The following FAR2 variants were observed in gnomAD, a reference collection of about 807,000 sequenced individuals.
FAR2 encodes the protein epididymis secretory protein Li 81.
In FAR2, 19 loss-of-function variants were observed where a neutral mutation model predicts 56.0. That is an observed-to-expected ratio of 0.34 (90% CI 0.24 to 0.50). FAR2 has a LOEUF of 0.50. Among genes scored for constraint, FAR2 ranks in the 20% least tolerant of loss-of-function variants. The pLI is 0.98. For missense variants in FAR2, 508 were observed against 642.2 expected (o/e 0.79, Z 2.26); for synonymous variants, 219 against 218.8 (o/e 1.00, Z -0.01).
chr12:29,237,064 A>G (rs750051437), intron 1 of FAR2, among the ~76,000 whole-genome samples: 1 of 152,218 alleles, frequency 6.6e-6, no homozygotes, highest in Admixed American at 6.5e-5. Context: ...GCTTATAAAC[A>G]GTATCAACTT....
chr12:29,192,915 T>G (rs1950114372), intron 1 of FAR2, among the ~76,000 whole-genome samples: 1 of 152,196 alleles, frequency 6.6e-6, no homozygotes, highest in South Asian at 2.1e-4. Context: ...AATTTTTGTA[T>G]TTATATACAA....
At position 29,270,497 on chromosome 12, in the gene FAR2, G is replaced by C; in HGVS notation, c.48G>C (p.Thr16=). The change falls in exon 2 of 12, where the codon ACG becomes ACC. Residue 16 remains threonine, a synonymous_variant. Transcript: ENST00000536681. The stretch of plus-strand genomic sequence containing the variant: ...ATGGCGGCAAGTCCATTCTCATCAC[G>C]GGGGCCACAGGCTTTCTGGGCAAAG... ...AFYGGKSILI[T]GATGFLGKVL... is the part of the protein sequence containing the mutation. 1.9e-6 allele frequency: 3 copies of C among 1,610,420 alleles called. No individual in the cohort carries two copies. The highest frequency in any genetic ancestry group is 2.5e-6 in the Non-Finnish European group (3 of 1,177,468).
At chr12:29,262,207 G>GTT (rs35890746) in intron 1 of FAR2, among the ~76,000 whole-genome samples, 37 of 150,904 alleles carry the variant, frequency 2.5e-4, no homozygotes, top group Middle Eastern at 3.4e-3. Context: ...CTTTTTGTGT[G>GTT]TTTTTTTTTG....
At chr12:29,296,907 T>C in intron 3 of FAR2, 114 bp from the exon 4 acceptor site, 1 of 897,514 alleles carries the variant, frequency 1.1e-6, no homozygotes, top group South Asian at 1.8e-5. Flanking sequence ...TCCTGGTGTT[T>C]TGGTGCGGCC....
intron 1 of FAR2, among the ~76,000 whole-genome samples, chr12:29,224,643 G>A (rs561145954): frequency 6.6e-5 from 10 of 152,208 alleles, no homozygotes; most frequent in African/African-American, 2.2e-4. Flanking sequence ...GGGTATGGGC[G>A]AACTGGAACA....
At chr12:29,273,033 T>A (rs2136710737) in intron 2 of FAR2, among the ~76,000 whole-genome samples, 1 of 152,328 alleles carries the variant, frequency 6.6e-6, no homozygotes, top group East Asian at 1.9e-4. Flanking sequence ...CTGGGACCTC[T>A]GACCTCGAGG....
intron 1 of FAR2, among the ~76,000 whole-genome samples, chr12:29,239,137 A>G (rs1200312505): frequency 6.6e-6 from 1 of 152,210 alleles, no homozygotes; most frequent in Admixed American, 6.5e-5. Context: ...AGTATGGTCC[A>G]TCAGCTTTGC....
intron 10 of FAR2, among the ~76,000 whole-genome samples, chr12:29,326,435 C>G (rs1185899191): frequency 6.6e-6 from 1 of 152,042 alleles, no homozygotes; most frequent in Non-Finnish European, 1.5e-5. Context: ...CAAAGCCTGG[C>G]AGAGACACAA....
intron 1 of FAR2, among the ~76,000 whole-genome samples, chr12:29,154,573 T>A (rs999926306): frequency 4.6e-5 from 7 of 152,126 alleles, no homozygotes; most frequent in African/African-American, 1.7e-4. Context: ...TAGCTGGGAC[T>A]ATAGGCGCCC....
chr12:29,303,686 C>G (rs1949212471), intron 4 of FAR2, among the ~76,000 whole-genome samples: 1 of 152,154 alleles, frequency 6.6e-6, no homozygotes, highest in Admixed American at 6.5e-5. Flanking sequence ...TGCTATAGAA[C>G]ACATTGTTAA....
intron 2 of FAR2, among the ~76,000 whole-genome samples, chr12:29,289,593 G>T (rs146371460): frequency 1.5e-3 from 230 of 152,218 alleles, no homozygotes; most frequent in African/African-American, 5.5e-3. Context: ...ACTACTACAA[G>T]AAAACATTTG....
intron 1 of FAR2, among the ~76,000 whole-genome samples, chr12:29,240,670 C>G (rs1948014614): frequency 6.6e-6 from 1 of 152,062 alleles, no homozygotes; most frequent in African/African-American, 2.4e-5. Flanking sequence ...GTAACTATAT[C>G]CAGAGATGAA....
intron 9 of FAR2, among the ~76,000 whole-genome samples, chr12:29,317,464 C>A (rs987354664): frequency 2.0e-5 from 3 of 152,074 alleles, no homozygotes; most frequent in African/African-American, 7.2e-5. Flanking sequence ...ACACTTCTGG[C>A]CCAAGTATTT....
At chr12:29,316,152 A>G (rs1268006579) in intron 8 of FAR2, among the ~76,000 whole-genome samples, 3 of 151,976 alleles carry the variant, frequency 2.0e-5, no homozygotes, top group South Asian at 2.1e-4. Flanking sequence ...ATATGCTTTG[A>G]AAAAAAACCT....
chr12:29,227,539 C>T lies in FAR2; in HGVS notation c.-38-42873C>T, dbSNP rs139616802. On this transcript the variant is annotated intron_variant, in intron 1 of 11. Coordinates refer to ENST00000536681, the MANE Select transcript of FAR2 (RefSeq NM_001271783.2). ...TAATTGCTTCTCCATCGACCAGATA[C>T]TCTGTAATTTACAGTACTTGCCCCA... Among the ~76,000 whole-genome samples, 6 of 152,272 alleles carry T rather than the reference C, an allele frequency of 3.9e-5. No individual in the cohort carries two copies. In the East Asian group the frequency reaches 1.2e-3, roughly 29 times the overall value.
intron 1 of FAR2, among the ~76,000 whole-genome samples, chr12:29,164,107 C>T (rs1044904528): frequency 5.9e-5 from 9 of 152,172 alleles, no homozygotes; most frequent in African/African-American, 1.9e-4. Flanking sequence ...CAGAGCTCAA[C>T]ACGTAATACA....
intron 10 of FAR2, among the ~76,000 whole-genome samples, chr12:29,324,291 C>A (rs376507833): frequency 3.9e-5 from 6 of 152,120 alleles, no homozygotes; most frequent in Non-Finnish European, 8.8e-5. Flanking sequence ...CTGAAAGTGA[C>A]GGGGAGAATG....
At chr12:29,162,619 G>A (rs911025644) in intron 1 of FAR2, among the ~76,000 whole-genome samples, 1 of 152,110 alleles carries the variant, frequency 6.6e-6, no homozygotes, top group Non-Finnish European at 1.5e-5. Context: ...AATTAATTTG[G>A]ATCCTAGACA....
chr12:29,256,388 A>G (rs1457251392), intron 1 of FAR2, among the ~76,000 whole-genome samples: 1 of 152,076 alleles, frequency 6.6e-6, no homozygotes, highest in African/African-American at 2.4e-5. Flanking sequence ...GGGTCTCACT[A>G]TAATGCCTAG....
Sources: gnomAD v4.1 joint callset for allele counts (sites outside exome capture counted in the v4.1 genomes callset) on GRCh38, gnomAD v4.1.1 for gene constraint, MANE v1.5 for transcripts, NCBI Gene and HGNC (gene_info 2026-07-23, HGNC 2026-07-21) for gene names.